Variants in WT1 observed in about 807,000 individuals in gnomAD.
WT1 encodes the protein WT1 transcription factor, also known as Wilms tumor protein.
A neutral mutation model predicts 60.8 loss-of-function variants in WT1; 8 were observed. That is an observed-to-expected ratio of 0.13 (90% CI 0.08 to 0.24). The LOEUF is 0.24. WT1 is among the 10% of genes least tolerant of loss of function. WT1 has a pLI of 1.00. For missense variants in WT1, 568 were observed against 711.8 expected, an observed-to-expected ratio of 0.80 and a Z score of 2.30; for synonymous variants, 312 against 297.1, an observed-to-expected ratio of 1.05 and a Z score of -0.52.
intron 5 of WT1, among the ~76,000 whole-genome samples, chr11:32,403,165 A>C (rs933067517): frequency 2.0e-5 from 3 of 151,912 alleles, no homozygotes; most frequent in Non-Finnish European, 2.9e-5. Flanking sequence ...GAAAAAAAAA[A>C]CAGCCAGGCC....
rs776384327 is a variant in WT1, at chr11:32,391,952, G to A, written c.1447+20C>T. 5.6e-6 allele frequency: 9 copies of A among 1,603,946 alleles called. No individual in the cohort carries two copies. In the Admixed American group the frequency reaches 1.2e-4, roughly 21 times the overall value. On this transcript the variant is annotated intron_variant, in intron 9 of 9. Coordinates refer to ENST00000452863, the MANE Select transcript of WT1 (RefSeq NM_024426.6). ...TTTAAAAAAATAATGAAAAATAAAT[G>A]TGAAGAAAAGTTTACGCACTTGTTT...
chr11:32,429,762 C>G (rs1853207818), intron 1 of WT1, among the ~76,000 whole-genome samples: 1 of 152,048 alleles, frequency 6.6e-6, no homozygotes, highest in African/African-American at 2.4e-5. Context: ...TCAGATCCTC[C>G]TGGCCCAGGA....
intron 5 of WT1, among the ~76,000 whole-genome samples, chr11:32,414,872 CAAAAA>C (rs551997180): frequency 2.3e-5 from 2 of 88,756 alleles, no homozygotes; most frequent in Non-Finnish European, 2.6e-5. Context: ...GACTCCATAT[CAAAAA>C]AAAAAAAAAA....
At chr11:32,429,966 A>AC (rs1332679671) in intron 1 of WT1, among the ~76,000 whole-genome samples, 1 of 103,150 alleles carries the variant, frequency 9.7e-6, no homozygotes. Flanking sequence ...ACACACCACC[A>AC]CCCCCCGCCC....
intron 3 of WT1, among the ~76,000 whole-genome samples, chr11:32,420,679 A>G (rs886471559): frequency 6.6e-6 from 1 of 152,092 alleles, no homozygotes; most frequent in African/African-American, 2.4e-5. Context: ...ATTACCATTT[A>G]TATAATAATA....
intron 5 of WT1, among the ~76,000 whole-genome samples, chr11:32,403,715 C>A (rs868086035): frequency 1.3e-5 from 2 of 151,746 alleles, no homozygotes; most frequent in South Asian, 4.2e-4. Context: ...GCTGGGAATG[C>A]AGGCACCCGC....
In WT1 at chr11:32,388,668, A is replaced by T. The variant is rs568703873; in HGVS notation, c.*390T>A. 1.0e-4 allele frequency: 37 copies of T among 355,060 alleles called. No individual in the cohort carries two copies. In the South Asian group the frequency reaches 1.5e-3, roughly 15 times the overall value. The allele number at this position is 355,060 out of a possible 1,614,324, so 22.0% of individuals were successfully genotyped here. A position where few individuals can be genotyped will look rare whatever the true frequency, so the allele number is the denominator to read the frequency against. Reference sequence around the variant, plus strand: ...CAGACACATACACATGCCCTGGCCTATAAATATTCCATGATAGAAAATGGT... The same window carrying T: ...CAGACACATACACATGCCCTGGCCTTTAAATATTCCATGATAGAAAATGGT... On this transcript the variant is annotated 3_prime_UTR_variant, in exon 10 of 10. Transcript: ENST00000452863.
At chr11:32,431,751 C>G (rs1853320268) in intron 1 of WT1, among the ~76,000 whole-genome samples, 1 of 152,072 alleles carries the variant, frequency 6.6e-6, no homozygotes, top group Non-Finnish European at 1.5e-5. Flanking sequence ...AGCCTTGCAT[C>G]TAGTCTGGGG....
chr11:32,394,512 C>T (rs1851908462), intron 7 of WT1, among the ~76,000 whole-genome samples: 1 of 152,158 alleles, frequency 6.6e-6, no homozygotes. Flanking sequence ...AAACCAGGAA[C>T]TCTTTGAGAA....
chr11:32,404,927 T>TA (rs1852264082), intron 5 of WT1, among the ~76,000 whole-genome samples: 1 of 152,194 alleles, frequency 6.6e-6, no homozygotes, highest in South Asian at 2.1e-4. Flanking sequence ...TCCACTGGGT[T>TA]TTTTTCCTAC....
intron 5 of WT1, among the ~76,000 whole-genome samples, chr11:32,401,363 A>G (rs1037238111): frequency 4.6e-5 from 7 of 152,168 alleles, no homozygotes; most frequent in African/African-American, 1.7e-4. Context: ...TGGGAAGGCA[A>G]AGAAAATGAC....
chr11:32,428,025 T>C lies in WT1; in HGVS notation c.818A>G (p.Tyr273Cys), dbSNP rs774626752. 6.2e-7 allele frequency: 1 copy of C among 1,610,376 alleles called. No homozygotes were observed. Among genetic ancestry groups the C allele is most frequent in the South Asian group, 1.1e-5 (1 of 90,706 alleles). ...GCTGTCGGTGGGGGTGTGGCAGCCA[T>C]AGACCGGGGGCGGCACCGAGTACTG... Residue 273 changes from tyrosine to cysteine, a missense_variant, in exon 3 of 10, where the codon TAT becomes TGT. Around this residue, in one of 3 missense-constraint regions of WT1, gnomAD observed 523 missense variants for 565.1 expected, o/e 0.93. Transcript: ENST00000452863.
intron 1 of WT1, among the ~76,000 whole-genome samples, chr11:32,433,024 G>C (rs983267164): frequency 3.0e-4 from 46 of 152,162 alleles, no homozygotes; most frequent in African/African-American, 1.1e-3. Context: ...CCCCAAGAGG[G>C]TGGTGGGTAG....
chr11:32,426,693 G>GAA (rs369786717), intron 3 of WT1, among the ~76,000 whole-genome samples: 37 of 151,200 alleles, frequency 2.4e-4, no homozygotes, highest in African/African-American at 9.0e-4. Flanking sequence ...GGAAAAAAAG[G>GAA]AAAAAAAAAG....
chr11:32,428,047 A>G lies in WT1; in HGVS notation c.796T>C (p.Tyr266His). Residue 266 changes from tyrosine to histidine, a missense_variant, in exon 3 of 10, where the codon TAC (tyrosine) becomes CAC (histidine). This residue lies in a region of WT1 where 523 missense variants were observed against 565.1 expected (regional missense o/e 0.93). Transcript: ENST00000452863. Reference sequence around the variant, plus strand: ...CCATAGACCGGGGGCGGCACCGAGTACTGCTGCTCACCTGCAGAGAGAACC... The same window carrying G: ...CCATAGACCGGGGGCGGCACCGAGTGCTGCTGCTCACCTGCAGAGAGAACC... The G allele has an allele frequency of 6.2e-7, 1 of 1,604,596 alleles. No homozygotes were observed. Among genetic ancestry groups the G allele is most frequent in the Non-Finnish European group, 8.5e-7 (1 of 1,173,964 alleles).
chr11:32,430,485 AG>A, intron 1 of WT1: 2 of 1,593,340 alleles, frequency 1.3e-6, no homozygotes, highest in Non-Finnish European at 8.5e-7. Context: ...AGAGAGAGAG[AG>A]AGAGACGAAA....
At chr11:32,423,647 C>A (rs1852925982) in intron 3 of WT1, among the ~76,000 whole-genome samples, 1 of 152,140 alleles carries the variant, frequency 6.6e-6, no homozygotes, top group Non-Finnish European at 1.5e-5. Context: ...AGCTGTATTG[C>A]CTGAATTTGA....
chr11:32,429,275 C>G (rs575523718), intron 1 of WT1, among the ~76,000 whole-genome samples: 1 of 152,320 alleles, frequency 6.6e-6, no homozygotes, highest in African/African-American at 2.4e-5. Context: ...TCCTCCTCCT[C>G]CCCCCTATGG....
chr11:32,432,550 A>G lies in WT1; in HGVS notation c.661+2150T>C, dbSNP rs1175545581. ...ACTTAAACCTGGAGATGGTGCTTCC[A>G]GGCTATATGACTTGAATCTAGGGCC... is the stretch of plus-strand genomic sequence containing the variant. On this transcript the variant is annotated intron_variant, in intron 1 of 9. Transcript: ENST00000452863. Among the ~76,000 whole-genome samples, 6 of 152,212 alleles carry G rather than the reference A, an allele frequency of 3.9e-5. No homozygotes were observed. In the East Asian group the frequency reaches 9.6e-4, roughly 24 times the overall value.
Sources: allele counts gnomAD v4.1 joint callset (sites outside exome capture counted in the v4.1 genomes callset), GRCh38; gene constraint gnomAD v4.1.1; regional missense constraint gnomAD v4.1.1; transcripts MANE v1.5; gene names NCBI Gene and HGNC (gene_info 2026-07-23, HGNC 2026-07-21).